The following GDA variants were observed in gnomAD, a reference collection of about 807,000 sequenced individuals.
GDA encodes guanine deaminase.
GDA carries 18 observed loss-of-function variants against 59.6 expected under a neutral mutation model. The ratio of observed to expected loss-of-function variants is 0.30; its 90% CI spans 0.21 to 0.45. The LOEUF (loss-of-function observed/expected upper bound fraction) is 0.45. Ranked by LOEUF, GDA falls within the 20% of genes least tolerant of loss-of-function variation. The probability of loss-of-function intolerance (pLI) is 1.00; values close to 1 mark genes in which losing one functional copy is unlikely to be tolerated. For synonymous variants in GDA, 201 were observed against 201.1 expected, an observed-to-expected ratio of 1.00 and a Z score of 0.00; for missense variants, 427 against 552.3, an observed-to-expected ratio of 0.77 and a Z score of 2.27.
intron 3 of GDA, among the ~76,000 whole-genome samples, chr9:72,208,363 G>A (rs556995157): frequency 6.6e-6 from 1 of 152,234 alleles, no homozygotes; most frequent in South Asian, 2.1e-4. Flanking sequence ...CTGTCTGGAG[G>A]GTTTTCCTCT....
intron 2 of GDA, among the ~76,000 whole-genome samples, chr9:72,196,627 A>G (rs965716758): frequency 2.0e-5 from 3 of 151,980 alleles, no homozygotes; most frequent in African/African-American, 7.3e-5. Context: ...CAGAACGTGC[A>G]GGTTTGTTAC....
intron 3 of GDA, among the ~76,000 whole-genome samples, chr9:72,207,762 T>G (rs1834892926): frequency 6.6e-6 from 1 of 152,218 alleles, no homozygotes; most frequent in Admixed American, 6.5e-5. Context: ...TTCCAAATTC[T>G]TTTGACTTTT....
chr9:72,217,435 C>A (rs1836274232), intron 5 of GDA, among the ~76,000 whole-genome samples: 1 of 152,190 alleles, frequency 6.6e-6, no homozygotes, highest in Non-Finnish European at 1.5e-5. Context: ...GCCTGAGAAG[C>A]TCAAGATGTA....
intron 1 of GDA, among the ~76,000 whole-genome samples, chr9:72,175,881 T>A (rs1288276492): frequency 1.3e-5 from 2 of 152,216 alleles, no homozygotes; most frequent in East Asian, 1.9e-4. Flanking sequence ...ACCAAAAAGC[T>A]GTGTGAGAAG....
At chr9:72,232,993 A>G (rs1277165200) in intron 10 of GDA, among the ~76,000 whole-genome samples, 2 of 152,212 alleles carry the variant, frequency 1.3e-5, no homozygotes, top group Non-Finnish European at 2.9e-5. Flanking sequence ...TGTATTGACC[A>G]AACGTTTGAA....
intron 9 of GDA, chr9:72,229,034 T>C (rs1478848845): frequency 6.6e-6 from 1 of 151,912 alleles, no homozygotes; most frequent in Non-Finnish European, 1.5e-5. Flanking sequence ...GTGGCTGTAA[T>C]CTCAGAAAAC....
chr9:72,252,713 C>T (rs990969099), downstream of GDA, among the ~76,000 whole-genome samples: 4 of 152,256 alleles, frequency 2.6e-5, no homozygotes, highest in Admixed American at 1.3e-4. Context: ...TCTAAGGAAT[C>T]ACCTGCAATT....
At chr9:72,187,518 A>G (rs1373448578) in intron 1 of GDA, among the ~76,000 whole-genome samples, 3 of 152,206 alleles carry the variant, frequency 2.0e-5, no homozygotes, top group African/African-American at 4.8e-5. Context: ...CTCTTTATAC[A>G]TTACCAATCT....
chr9:72,241,179 T>C lies in GDA; in HGVS notation c.1016T>C (p.Met339Thr). Residue 339 changes from methionine (M) to threonine (T), a missense_variant, in exon 11 of 14, where the codon ATG becomes ACG. Met to Thr is a moderately conservative substitution (Grantham distance 81, BLOSUM62 -1). Coordinates refer to ENST00000358399, the MANE Select transcript of GDA (RefSeq NM_004293.5). ...TDVAGGYSYS[M>T]LDAIRRAVMV... ...GTGGCTGGTGGCTATTCATATTCCA[T>C]GCTTGATGCAATCAGAAGAGCAGTG... The C allele has an allele frequency of 6.2e-7, 1 of 1,606,660 alleles. No homozygotes were observed. The highest frequency in any genetic ancestry group is 8.5e-7 in the Non-Finnish European group (1 of 1,174,350).
intron 3 of GDA, 37 bp downstream of exon 3, chr9:72,202,779 G>C: frequency 6.8e-7 from 1 of 1,478,200 alleles, no homozygotes; most frequent in Non-Finnish European, 9.4e-7. Flanking sequence ...ATTCTGTTTG[G>C]TCATCTATAG....
chr9:72,218,538 A>C (rs949134630), intron 5 of GDA, among the ~76,000 whole-genome samples: 1 of 152,204 alleles, frequency 6.6e-6, no homozygotes, highest in Non-Finnish European at 1.5e-5. Context: ...AGAAAACTAC[A>C]GCTGCCTAGG....
intron 4 of GDA, among the ~76,000 whole-genome samples, chr9:72,211,171 G>A (rs1470745478): frequency 6.6e-6 from 1 of 152,142 alleles, no homozygotes. Flanking sequence ...TCAGGGCACT[G>A]TGCTAGATGC....
In GDA at chr9:72,185,449, G is replaced by A. The variant is rs62561980; in HGVS notation, c.124-10051G>A. Among the ~76,000 whole-genome samples the A allele has an allele frequency of 4.3e-3, 662 of 152,252 alleles. 3 individuals carry two copies. Among genetic ancestry groups the A allele is most frequent in the South Asian group, 0.018 (88 of 4,826 alleles). On this transcript the variant is annotated intron_variant, in intron 1 of 13. Coordinates refer to ENST00000358399, the MANE Select transcript of GDA (RefSeq NM_004293.5). ...ATTCGCCCCATTGTACTAGTCCGAC[G>A]GGGTTTTTTCCCCCACTTTGGTTTT...
At chr9:72,134,206 T>C (rs1254719469) in intron 1 of GDA, among the ~76,000 whole-genome samples, 1 of 152,162 alleles carries the variant, frequency 6.6e-6, no homozygotes, top group Non-Finnish European at 1.5e-5. Context: ...GAACTACTTG[T>C]CAAAGGCCCA....
chr9:72,185,628 A>G (rs762719150), intron 1 of GDA, among the ~76,000 whole-genome samples: 1 of 152,160 alleles, frequency 6.6e-6, no homozygotes, highest in African/African-American at 2.4e-5. Context: ...CAGTGACGTA[A>G]GAGTGGATTT....
At chr9:72,161,360 A>G (rs1388019413) in intron 1 of GDA, among the ~76,000 whole-genome samples, 1 of 152,184 alleles carries the variant, frequency 6.6e-6, no homozygotes, top group Non-Finnish European at 1.5e-5. Context: ...TATTTCTTCA[A>G]TAACTGGTGC....
intron 6 of GDA, among the ~76,000 whole-genome samples, chr9:72,220,018 A>G (rs992976853): frequency 6.6e-6 from 1 of 152,252 alleles, no homozygotes; most frequent in Non-Finnish European, 1.5e-5. Context: ...AGATATGGAA[A>G]CAACTTAAGT....
chr9:72,202,879 C>CTTTTTTAATGAT, intron 3 of GDA, 137 bp downstream of exon 3: 1 of 653,006 alleles, frequency 1.5e-6, no homozygotes, highest in Non-Finnish European at 2.6e-6. Context: ...GTTTCTTTTT[C>CTTTTTTAATGAT]ACAGTCCAGT....
intron 6 of GDA, among the ~76,000 whole-genome samples, chr9:72,221,752 C>G (rs113078162): frequency 7.5e-4 from 114 of 152,298 alleles, no homozygotes; most frequent in African/African-American, 2.6e-3. Context: ...TTGTTCCCCT[C>G]TATGGGTCCA....
Sources: allele counts gnomAD v4.1 joint callset (sites outside exome capture counted in the v4.1 genomes callset), GRCh38; gene constraint gnomAD v4.1.1; transcripts MANE v1.5; gene names NCBI Gene and HGNC (gene_info 2026-07-23, HGNC 2026-07-21).